PPP1R3A: variants seen among roughly 807,000 people sequenced by gnomAD.
PPP1R3A encodes the protein RG1.
In PPP1R3A, 29 loss-of-function variants were observed where a neutral mutation model predicts 41.7. That is an observed-to-expected ratio of 0.70 (90% CI 0.52 to 0.95). The LOEUF (loss-of-function observed/expected upper bound fraction) is 0.95. PPP1R3A is among the 40% of genes least tolerant of loss of function. The pLI is 0.00. For missense variants in PPP1R3A, 1,352 were observed against 1,292.4 expected (o/e 1.05, Z -0.71); for synonymous variants, 485 against 453.4 (o/e 1.07, Z -0.89).
In PPP1R3A at chr7:113,878,605, C is replaced by T. The variant is rs551196540; in HGVS notation, c.2487G>A (p.Arg829=). The T allele has an allele frequency of 2.5e-6, 4 of 1,613,494 alleles. No individual in the cohort carries two copies. Among genetic ancestry groups the T allele is most frequent in the East Asian group, 4.5e-5 (2 of 44,820 alleles). ...CACATTTCTCCCTGTCATGTGTCTTCCTAGGATTGTACATAGACATGGTTT... is the reference window on the plus strand; with the variant it reads ...CACATTTCTCCCTGTCATGTGTCTTTCTAGGATTGTACATAGACATGGTTT... The part of the protein sequence containing the change: ...KEETMSMYNP[R]KTHDREKCGT... The change falls in exon 4 of 4, where the codon AGG becomes AGA. Residue 829 remains arginine, a synonymous_variant. Transcript: ENST00000284601.
rs1796663634 is a variant in PPP1R3A at position 113,880,095 on chromosome 7, T to G, written c.997A>C (p.Thr333Pro). Residue 333 changes from threonine (T) to proline (P), a missense_variant, in exon 4 of 4, where the codon ACT becomes CCT. Physicochemically the swap from Thr to Pro is conservative, Grantham distance 38. Coordinates refer to ENST00000284601, the MANE Select transcript of PPP1R3A (RefSeq NM_002711.4). ...INQHLIRTRS[T>P]ASRDERNTFS... ...GTATTCCTTTCATCTCTGGAAGCAGTACTTCTGGTTCTTATTAAGTGTTGA... is the reference window on the plus strand; with the variant it reads ...GTATTCCTTTCATCTCTGGAAGCAGGACTTCTGGTTCTTATTAAGTGTTGA... The G allele has an allele frequency of 1.2e-6, 2 of 1,603,308 alleles. No individual in the cohort carries two copies. The highest frequency in any genetic ancestry group is 1.7e-4 in the Middle Eastern group (1 of 6,026).
intron 1 of PPP1R3A, among the ~76,000 whole-genome samples, chr7:113,902,779 G>C (rs552197099): frequency 6.6e-6 from 1 of 151,934 alleles, no homozygotes; most frequent in East Asian, 2.0e-4. Flanking sequence ...GGTAACCTTA[G>C]TTGTTCTTTA....
Position 113,879,410 on chromosome 7 carries a change from T to A in PPP1R3A, c.1682A>T (p.Asp561Val). The A allele has an allele frequency of 6.2e-7, 1 of 1,613,560 alleles. No individual in the cohort carries two copies. Among genetic ancestry groups the A allele is most frequent in the South Asian group, 1.1e-5 (1 of 91,070 alleles). Residue 561 changes from aspartate (D) to valine (V), a missense_variant, in exon 4 of 4, where the codon GAC becomes GTC. Transcript: ENST00000284601. ...SVAGIGASNR[D>V]LATLLSEHTA... is the part of the protein sequence containing the mutation. The stretch of plus-strand genomic sequence containing the variant: ...ATGTTCGCTCAGCAGAGTAGCCAGG[T>A]CTCTGTTACTAGCTCCAATCCCTGC...
intron 1 of PPP1R3A, among the ~76,000 whole-genome samples, chr7:113,886,855 T>C (rs1796792652): frequency 6.6e-6 from 1 of 152,162 alleles, no homozygotes; most frequent in South Asian, 2.1e-4. Context: ...GGCCCAGAAC[T>C]ATGACAATTG....
intron 3 of PPP1R3A, among the ~76,000 whole-genome samples, chr7:113,880,443 T>A (rs1456243896): frequency 6.6e-6 from 1 of 152,088 alleles, no homozygotes; most frequent in Non-Finnish European, 1.5e-5. Context: ...TACACATTGA[T>A]AGCTCCATGC....
chr7:113,905,134 T>G (rs1177673028), intron 1 of PPP1R3A, among the ~76,000 whole-genome samples: 1 of 151,670 alleles, frequency 6.6e-6, no homozygotes, highest in African/African-American at 2.4e-5. Context: ...GGATTAAGGG[T>G]AGTAATGTAA....
intron 1 of PPP1R3A, among the ~76,000 whole-genome samples, chr7:113,913,580 C>T (rs939978195): frequency 2.6e-5 from 4 of 152,080 alleles, no homozygotes; most frequent in Non-Finnish European, 4.4e-5. Context: ...ACACCTATAT[C>T]ATGCAGTTTC....
Position 113,882,148 on chromosome 7 carries a change from G to T in PPP1R3A, c.857C>A (p.Thr286Lys). ...NPKNTDTYIPTIICSHEDKED... is the reference protein window; with the variant it reads ...NPKNTDTYIPKIICSHEDKED... The stretch of plus-strand genomic sequence containing the variant: ...CTTGTCCTCATGAGAACAAATGATT[G>T]TTGGGATATAGGTATCTGAAAAGTT... The change falls in exon 3 of 4, where the codon ACA (threonine) becomes AAA (lysine). Residue 286 changes from threonine to lysine, a missense_variant. Thr to Lys is a moderately conservative substitution (Grantham distance 78, BLOSUM62 -1). Transcript: ENST00000284601. 1.9e-6 allele frequency: 3 copies of T among 1,611,388 alleles called. No individual in the cohort carries two copies. The highest frequency in any genetic ancestry group is 2.5e-6 in the Non-Finnish European group (3 of 1,178,078).
At chr7:113,901,316 C>T (rs764578636) in intron 1 of PPP1R3A, among the ~76,000 whole-genome samples, 2 of 151,708 alleles carry the variant, frequency 1.3e-5, no homozygotes, top group East Asian at 1.9e-4. Flanking sequence ...AGACACCATC[C>T]CCCTTCTAAA....
intron 1 of PPP1R3A, among the ~76,000 whole-genome samples, chr7:113,893,960 T>C (rs935346379): frequency 1.3e-5 from 2 of 151,988 alleles, no homozygotes; most frequent in East Asian, 3.9e-4. Context: ...CTTCAGTTCC[T>C]ACCAAGGATA....
intron 1 of PPP1R3A, among the ~76,000 whole-genome samples, chr7:113,883,643 T>G (rs1796733533): frequency 6.6e-6 from 1 of 151,938 alleles, no homozygotes; most frequent in Non-Finnish European, 1.5e-5. Flanking sequence ...AAGGTTTATT[T>G]TTACGAAATC....
intron 3 of PPP1R3A, 145 bp downstream of exon 3, chr7:113,881,894 A>G: frequency 4.5e-6 from 4 of 882,008 alleles, no homozygotes; most frequent in Non-Finnish European, 5.4e-6. Context: ...CTTGTTGATC[A>G]AGCTAGAGAC....
At chr7:113,905,080 A>G (rs1797123331) in intron 1 of PPP1R3A, among the ~76,000 whole-genome samples, 2 of 151,678 alleles carry the variant, frequency 1.3e-5, no homozygotes, top group African/African-American at 4.8e-5. Flanking sequence ...AGTTCGCATG[A>G]GTATTAGGAA....
At chr7:113,885,229 G>A (rs1011605393) in intron 1 of PPP1R3A, among the ~76,000 whole-genome samples, 5 of 151,994 alleles carry the variant, frequency 3.3e-5, no homozygotes, top group Admixed American at 1.3e-4. Context: ...TTGTACTTTA[G>A]TAGAGACAAG....
At chr7:113,916,810 A>G (rs1265631750) in intron 1 of PPP1R3A, among the ~76,000 whole-genome samples, 1 of 152,054 alleles carries the variant, frequency 6.6e-6, no homozygotes, top group African/African-American at 2.4e-5. Flanking sequence ...GTAATTTCAT[A>G]AACATCTAAA....
intron 1 of PPP1R3A, among the ~76,000 whole-genome samples, chr7:113,894,853 ATAT>A (rs1264648315): frequency 1.3e-5 from 2 of 151,996 alleles, no homozygotes; most frequent in African/African-American, 2.4e-5. Context: ...TTGAATTAAC[ATAT>A]TATTTTGAAA....
rs577979859 is a variant in PPP1R3A at position 113,882,310 on chromosome 7, A to T, written c.793T>A (p.Ser265Thr). Reference sequence around the variant, plus strand: ...TTATTTTCTTCTGATGTTACTGATGATTCTTCTTTACTGTTAAATTTAAAA... The same window carrying T: ...TTATTTTCTTCTGATGTTACTGATGTTTCTTCTTTACTGTTAAATTTAAAA... The part of the protein sequence containing the change: ...CLKVKSSKEE[S>T]SVTSEENNFE... The change falls in exon 2 of 4, where the codon TCA becomes ACA. Residue 265 changes from serine to threonine, a missense_variant. Ser to Thr is a moderately conservative substitution (Grantham distance 58). Transcript: ENST00000284601. 2.7e-6 allele frequency: 4 copies of T among 1,456,216 alleles called. No homozygotes were observed. In the Admixed American group the frequency reaches 6.8e-5, roughly 25 times the overall value. The allele number at this position is 1,456,216 out of a possible 1,614,324, so 90.2% of individuals were successfully genotyped here. A position where few individuals can be genotyped will look rare whatever the true frequency, so the allele number is the denominator to read the frequency against.
chr7:113,900,993 A>C (rs1797052007), intron 1 of PPP1R3A, among the ~76,000 whole-genome samples: 1 of 151,608 alleles, frequency 6.6e-6, no homozygotes, highest in Admixed American at 6.6e-5. Context: ...GATTTACTGT[A>C]ACACAATTCT....
intron 1 of PPP1R3A, among the ~76,000 whole-genome samples, chr7:113,912,145 C>T (rs1797262493): frequency 6.6e-6 from 1 of 152,072 alleles, no homozygotes; most frequent in Non-Finnish European, 1.5e-5. Flanking sequence ...ATTCTCCATC[C>T]TCCATATACA....
Sources: gnomAD v4.1 joint callset for allele counts (sites outside exome capture counted in the v4.1 genomes callset) on GRCh38, gnomAD v4.1.1 for gene constraint, MANE v1.5 for transcripts, NCBI Gene and HGNC (gene_info 2026-07-23, HGNC 2026-07-21) for gene names.